GRM2: variants seen among roughly 807,000 people sequenced by gnomAD.
The protein encoded by GRM2 is glutamate metabotropic receptor 2, also known as metabotropic glutamate receptor 2.
Under a neutral mutation model 60.4 loss-of-function variants are expected in GRM2, and 35 were observed. The observed-to-expected ratio is 0.58, with a 90% CI of 0.44 to 0.77. The LOEUF (loss-of-function observed/expected upper bound fraction) is 0.77. GRM2 is among the 30% of genes least tolerant of loss of function. The pLI, the probability that GRM2 is intolerant of heterozygous loss-of-function variation, is 0.00. For synonymous variants in GRM2, 437 were observed against 484.1 expected, an observed-to-expected ratio of 0.90 and a Z score of 1.28; for missense variants, 925 against 1,199.5, an observed-to-expected ratio of 0.77 and a Z score of 3.38.
rs944437874 is a variant in GRM2, at chr3:51,712,134, C to G, written c.451-339C>G. ...TAGCCAGATGCCATCTCATGCCTCC[C>G]TCTGCCCCAGTGTAGCCAGGTGCCA... On this transcript the variant is annotated intron_variant, in intron 2 of 5. Transcript: ENST00000395052. The surrounding 1 kb of genome is among the most constrained non-coding windows in gnomAD (Gnocchi z 5.3). 6.6e-6 allele frequency among the ~76,000 whole-genome samples: 1 copy of G among 152,218 alleles called. No individual in the cohort carries two copies. Among genetic ancestry groups the G allele is most frequent in the African/African-American group, 2.4e-5 (1 of 41,454 alleles).
chr3:51,709,995 T>A (rs1703656810), intron 2 of GRM2, among the ~76,000 whole-genome samples: 1 of 151,498 alleles, frequency 6.6e-6, no homozygotes, highest in South Asian at 2.1e-4. Context: ...CACTTTTTTT[T>A]TTTTTCTTTT....
chr3:51,715,726 C>T lies in GRM2; in HGVS notation c.1953C>T (p.Leu651=), dbSNP rs761133355. The change falls in exon 4 of 6, where the codon CTC becomes CTT. Residue 651 remains leucine (L), a synonymous_variant. Coordinates refer to ENST00000395052, the MANE Select transcript of GRM2 (RefSeq NM_000839.5). The surrounding 1 kb of genome is among the most constrained non-coding windows in gnomAD (Gnocchi z 9.0). ...TCTCTGTCTGCTACTCAGCCCTGCTCACCAAGACCAACCGCATTGCACGCA... is the reference window on the plus strand; with the variant it reads ...TCTCTGTCTGCTACTCAGCCCTGCTTACCAAGACCAACCGCATTGCACGCA... The part of the protein sequence containing the change: ...TAFSVCYSAL[L]TKTNRIARIF... The T allele has an allele frequency of 6.2e-7, 1 of 1,614,218 alleles. No individual in the cohort carries two copies. The highest frequency in any genetic ancestry group is 8.5e-7 in the Non-Finnish European group (1 of 1,180,020).
chr3:51,716,237 A>G lies in GRM2; in HGVS notation c.2364+100A>G. ...CTGGTAGCTCTGGGGTTCCAAGAGG[A>G]TAATGCCCACTCAGGGGACCACAGC... On this transcript the variant is annotated intron_variant, in intron 4 of 5. Coordinates refer to ENST00000395052, the MANE Select transcript of GRM2 (RefSeq NM_000839.5). The surrounding 1 kb of genome is among the most constrained non-coding windows in gnomAD (Gnocchi z 4.0). The G allele has an allele frequency of 1.2e-6, 1 of 801,028 alleles. No homozygotes were observed. The highest frequency in any genetic ancestry group is 1.7e-5 in the South Asian group (1 of 59,126). 49.6% of individuals were successfully genotyped at this position (801,028 alleles called of 1,614,324 possible).
In GRM2 at chr3:51,715,551, A is replaced by C. The variant is rs1559696701; in HGVS notation, c.1778A>C (p.Asn593Thr). 1 of 1,613,964 alleles carries C rather than the reference A, an allele frequency of 6.2e-7. No individual in the cohort carries two copies. Among genetic ancestry groups the C allele is most frequent in the South Asian group, 1.1e-5 (1 of 91,090 alleles). The change falls in exon 4 of 6, where the codon AAT (asparagine) becomes ACT (threonine). Residue 593 changes from asparagine (N) to threonine (T), a missense_variant. Transcript: ENST00000395052. This position sits in a 1 kb window ranked among gnomAD's most constrained non-coding sequence, Gnocchi z 9.0. ...LFVLGVFVRH[N>T]ATPVVKASGR... Reference sequence around the variant, plus strand: ...GTGCTGGGTGTCTTTGTGCGGCACAATGCCACACCAGTGGTCAAGGCCTCA... The same window carrying C: ...GTGCTGGGTGTCTTTGTGCGGCACACTGCCACACCAGTGGTCAAGGCCTCA...
chr3:51,714,128 C>T (rs1703818908), intron 3 of GRM2: 1 of 338,322 alleles, frequency 3.0e-6, no homozygotes. Context: ...AAGAGTACTT[C>T]CAATAGAACT....
Position 51,712,997 on chromosome 3 carries a change from T to A in GRM2, c.975T>A (p.Ser325Arg), listed in dbSNP as rs1445144291. The A allele has an allele frequency of 2.5e-6, 4 of 1,613,212 alleles. No individual in the cohort carries two copies. The highest frequency in any genetic ancestry group is 3.4e-6 in the Non-Finnish European group (4 of 1,180,038). Reference sequence around the variant, plus strand: ...TCGAGCTGGCCTCCTACCCCATCAGTGACTTTGCCTCCTACTTCCAGAGCC... The same window carrying A: ...TCGAGCTGGCCTCCTACCCCATCAGAGACTTTGCCTCCTACTTCCAGAGCC... ...ITIELASYPI[S>R]DFASYFQSLD... Residue 325 changes from serine (S) to arginine (R), a missense_variant, in exon 3 of 6, where the codon AGT (serine) becomes AGA (arginine). By Grantham distance (110) the Ser-to-Arg change is moderately radical. Coordinates refer to ENST00000395052, the MANE Select transcript of GRM2 (RefSeq NM_000839.5). This position sits in a 1 kb window ranked among gnomAD's most constrained non-coding sequence, Gnocchi z 5.3.
chr3:51,714,922 A>G, intron 3 of GRM2, 140 bp from the exon 4 acceptor site: 1 of 514,562 alleles, frequency 1.9e-6, no homozygotes, highest in East Asian at 3.2e-5. Context: ...TCAAGGCAGG[A>G]TTTAGTATTG....
chr3:51,713,655 G>C lies in GRM2; in HGVS notation c.1288+345G>C. 2.9e-6 allele frequency: 1 copy of C among 344,398 alleles called. No homozygotes were observed. Among genetic ancestry groups the C allele is most frequent in the Non-Finnish European group, 5.3e-6 (1 of 187,064 alleles). 21.3% of individuals were successfully genotyped at this position (344,398 alleles called of 1,614,324 possible). A position where few individuals can be genotyped will look rare whatever the true frequency, so the allele number is the denominator to read the frequency against. On this transcript the variant is annotated intron_variant, in intron 3 of 5. Coordinates refer to ENST00000395052, the MANE Select transcript of GRM2 (RefSeq NM_000839.5). This position sits in a 1 kb window ranked among gnomAD's most constrained non-coding sequence, Gnocchi z 4.8. ...CATTCTCAGGCAGCACCAAGAGTTA[G>C]AATCAGTCTGGCTTGAGGGTGAGCA...
At chr3:51,709,672 A>ACACATCC (rs1158701373) in intron 2 of GRM2, among the ~76,000 whole-genome samples, 4 of 41,542 alleles carry the variant, frequency 9.6e-5, no homozygotes, top group East Asian at 6.8e-4. Context: ...ACACCCTCAC[A>ACACATCC]CACACACACA....
Position 51,715,181 on chromosome 3 carries a change from A to C in GRM2, c.1408A>C (p.Lys470Gln). ...AGGCAGTGGGCGCTATCGCTACCAG[A>C]AGGTGGGCTACTGGGCAGAAGGCTT... ...RAGSGRYRYQ[K>Q]VGYWAEGLTL... Residue 470 changes from lysine (K) to glutamine (Q), a missense_variant, in exon 4 of 6, where the codon AAG (lysine) becomes CAG (glutamine). Coordinates refer to ENST00000395052, the MANE Select transcript of GRM2 (RefSeq NM_000839.5). The surrounding 1 kb of genome is among the most constrained non-coding windows in gnomAD (Gnocchi z 9.0). 2 of 1,613,998 alleles carry C rather than the reference A, an allele frequency of 1.2e-6. No homozygotes were observed. Among genetic ancestry groups the C allele is most frequent in the Non-Finnish European group, 8.5e-7 (1 of 1,179,908 alleles).
rs757881094 is a variant in GRM2 at position 51,717,812 on chromosome 3, G to A, written c.2540G>A (p.Gly847Asp). 5.6e-6 allele frequency: 9 copies of A among 1,613,670 alleles called. No individual in the cohort carries two copies. The highest frequency in any genetic ancestry group is 6.8e-6 in the Non-Finnish European group (8 of 1,179,832). Residue 847 changes from glycine to aspartate, a missense_variant, in exon 5 of 6, where the codon GGC becomes GAC. Physicochemically the swap from Gly to Asp is moderately conservative, Grantham distance 94. Coordinates refer to ENST00000395052, the MANE Select transcript of GRM2 (RefSeq NM_000839.5). This position sits in a 1 kb window ranked among gnomAD's most constrained non-coding sequence, Gnocchi z 6.0. ...SAAARASSSL[G>D]QGSGSQFVPT... ...GCTGCCAGGGCCAGCTCCAGCCTTG[G>A]CCAAGGTCAGTGTCCTAAGCAGCCC...
In GRM2 at chr3:51,715,315, G is replaced by A. The variant is rs147200113; in HGVS notation, c.1542G>A (p.Pro514=). 8.0e-5 allele frequency: 129 copies of A among 1,613,370 alleles called. No individual in the cohort carries two copies. The African/African-American group carries it at 9.6e-4, about 12-fold the overall frequency. Residue 514 remains proline, a synonymous_variant, in exon 4 of 6, where the codon CCG becomes CCA. Coordinates refer to ENST00000395052, the MANE Select transcript of GRM2 (RefSeq NM_000839.5). This position sits in a 1 kb window ranked among gnomAD's most constrained non-coding sequence, Gnocchi z 9.0. The part of the protein sequence containing the change: ...CLQNEVKSVQ[P]GEVCCWLCIP... ...AGAATGAGGTGAAGAGTGTGCAGCC[G>A]GGCGAAGTCTGCTGCTGGCTCTGCA... is the stretch of plus-strand genomic sequence containing the variant.
intron 2 of GRM2, 38 bp downstream of exon 2, chr3:51,709,471 G>A (rs1380507227): frequency 1.4e-6 from 2 of 1,398,136 alleles, no homozygotes; most frequent in East Asian, 2.5e-5. Flanking sequence ...TAGGGAGGGA[G>A]GCCGGAGGTG....
At chr3:51,711,270 A>T (rs1703702611) in intron 2 of GRM2, 1 of 152,292 alleles carries the variant, frequency 6.6e-6, no homozygotes, top group South Asian at 2.1e-4. Flanking sequence ...CAGCCTGGGA[A>T]GATGTGGCTG....
intron 2 of GRM2, among the ~76,000 whole-genome samples, chr3:51,710,059 A>C (rs976256522): frequency 2.7e-5 from 4 of 150,560 alleles, no homozygotes; most frequent in Non-Finnish European, 5.9e-5. Flanking sequence ...GTGAGATCTC[A>C]GCCCACTGCA....
chr3:51,709,283 G>A lies in GRM2; in HGVS notation c.300G>A (p.Glu100=). Residue 100 remains glutamate (E), a synonymous_variant, in exon 2 of 6, where the codon GAG becomes GAA. Transcript: ENST00000395052. ...DSCSKDTHAL[E]QALDFVRASL... is the part of the protein sequence containing the mutation. ...GCTCCAAGGACACACATGCGCTGGA[G>A]CAGGCACTGGACTTTGTGCGTGCCT... is the stretch of plus-strand genomic sequence containing the variant. 1 of 1,604,658 alleles carries A rather than the reference G, an allele frequency of 6.2e-7. No individual in the cohort carries two copies. The highest frequency in any genetic ancestry group is 8.5e-7 in the Non-Finnish European group (1 of 1,173,356).
chr3:51,715,980 T>G lies in GRM2; in HGVS notation c.2207T>G (p.Val736Gly), dbSNP rs1199921366. The G allele has an allele frequency of 1.2e-6, 2 of 1,614,182 alleles. No individual in the cohort carries two copies. Among genetic ancestry groups the G allele is most frequent in the African/African-American group, 2.7e-5 (2 of 75,052 alleles). Residue 736 changes from valine to glycine, a missense_variant, in exon 4 of 6, where the codon GTG (valine) becomes GGG (glycine). Coordinates refer to ENST00000395052, the MANE Select transcript of GRM2 (RefSeq NM_000839.5). The surrounding 1 kb of genome is among the most constrained non-coding windows in gnomAD (Gnocchi z 9.0). ...ASMLGSLAYNVLLIALCTLYA... is the reference protein window; with the variant it reads ...ASMLGSLAYNGLLIALCTLYA... ...ATGTTGGGCTCGCTGGCCTACAATG[T>G]GCTCCTCATCGCGCTCTGCACGCTT...
chr3:51,714,068 T>G, intron 3 of GRM2: 1 of 416,048 alleles, frequency 2.4e-6, no homozygotes, highest in Non-Finnish European at 4.9e-6. Flanking sequence ...AGAATCACCG[T>G]GGGAACAGTG....
chr3:51,709,362 G>A lies in GRM2; in HGVS notation c.379G>A (p.Ala127Thr), dbSNP rs1187968065. 6.3e-7 allele frequency: 1 copy of A among 1,588,624 alleles called. No homozygotes were observed. The highest frequency in any genetic ancestry group is 8.6e-7 in the Non-Finnish European group (1 of 1,160,132). Reference protein sequence around the residue: ...SRHICPDGSYATHGDAPTAIT... With the variant: ...SRHICPDGSYTTHGDAPTAIT... ...CCACATCTGCCCCGACGGCTCTTAT[G>A]CGACCCATGGTGATGCTCCCACTGC... The change falls in exon 2 of 6, where the codon GCG (alanine) becomes ACG (threonine). Residue 127 changes from alanine to threonine, a missense_variant. Physicochemically the swap from Ala to Thr is moderately conservative, Grantham distance 58 (BLOSUM62 0). Transcript: ENST00000395052.
Sources: gnomAD v4.1 joint callset for allele counts (sites outside exome capture counted in the v4.1 genomes callset) on GRCh38, gnomAD v4.1.1 for gene constraint, Gnocchi (gnomAD v3.1) non-coding constraint, MANE v1.5 for transcripts, NCBI Gene and HGNC (gene_info 2026-07-23, HGNC 2026-07-21) for gene names.